Variants in NSFL1C observed in about 807,000 individuals in gnomAD.
The protein encoded by NSFL1C is NSFL1 cofactor p47.
In NSFL1C, 14 loss-of-function variants were observed where a neutral mutation model predicts 43.1. The ratio of observed to expected loss-of-function variants is 0.32; its 90% CI spans 0.21 to 0.51. The LOEUF (loss-of-function observed/expected upper bound fraction) is 0.51. NSFL1C is among the 20% of genes least tolerant of loss of function. NSFL1C has a pLI of 0.98. For synonymous variants in NSFL1C, 171 were observed against 183.5 expected (o/e 0.93, Z 0.55); for missense variants, 406 against 472.5 (o/e 0.86, Z 1.30).
intron 7 of NSFL1C, among the ~76,000 whole-genome samples, chr20:1,447,823 G>A (rs1280404148): frequency 6.6e-6 from 1 of 152,054 alleles, no homozygotes; most frequent in East Asian, 1.9e-4. Context: ...TGCAGGTATT[G>A]TCTAAAGGGG....
intron 2 of NSFL1C, chr20:1,463,546 AC>A (rs1357703599): frequency 6.6e-6 from 1 of 152,244 alleles, no homozygotes; most frequent in Non-Finnish European, 1.5e-5. Flanking sequence ...TTAGAGAGAA[AC>A]ATAATTTACC....
chr20:1,464,546 G>T, intron 1 of NSFL1C, 120 bp from the exon 2 acceptor site: 1 of 737,062 alleles, frequency 1.4e-6, no homozygotes, highest in Non-Finnish European at 2.3e-6. Context: ...GCATCCATGG[G>T]CCAAAGAAAA....
At chr20:1,444,042 C>T (rs1390425417) in intron 8 of NSFL1C, 131 bp from the exon 9 acceptor site, 2 of 939,970 alleles carry the variant, frequency 2.1e-6, no homozygotes, top group African/African-American at 1.6e-5. Context: ...TACGCTCAGG[C>T]ATGTGGGACC....
At chr20:1,464,614 C>T (rs915619036) in intron 1 of NSFL1C, among the ~76,000 whole-genome samples, 188 bp from the exon 2 acceptor site, 4 of 152,216 alleles carry the variant, frequency 2.6e-5, no homozygotes, top group African/African-American at 9.7e-5. Context: ...AAACAAATTC[C>T]ACCCACTAAG....
intron 3 of NSFL1C, chr20:1,456,033 CCTCCTTATTA>C: frequency 2.5e-6 from 1 of 400,934 alleles, no homozygotes; most frequent in South Asian, 2.8e-5. Context: ...TGGCCCACTG[CCTCCTTATTA>C]CTCCTATTCA....
At chr20:1,453,006 C>T in intron 6 of NSFL1C, 25 bp downstream of exon 6, 1 of 1,271,870 alleles carries the variant, frequency 7.9e-7, no homozygotes, top group Non-Finnish European at 1.2e-6. Flanking sequence ...TGATTTGGGA[C>T]CTACAGGAGG....
chr20:1,458,038 G>A, intron 3 of NSFL1C, 162 bp downstream of exon 3: 1 of 591,082 alleles, frequency 1.7e-6, no homozygotes, highest in Non-Finnish European at 3.1e-6. Context: ...TAAGCTACAA[G>A]GAGTAGAAGA....
chr20:1,452,400 A>C, intron 7 of NSFL1C, 93 bp downstream of exon 7: 4 of 1,476,888 alleles, frequency 2.7e-6, no homozygotes, highest in Non-Finnish European at 2.8e-6. Context: ...TAAACAGTAA[A>C]GAGCTAATAA....
chr20:1,448,588 C>T (rs1274245547), intron 7 of NSFL1C, among the ~76,000 whole-genome samples: 1 of 152,190 alleles, frequency 6.6e-6, no homozygotes, highest in Non-Finnish European at 1.5e-5. Context: ...CTCTTACACA[C>T]TCCCTAAAAA....
intron 2 of NSFL1C, among the ~76,000 whole-genome samples, chr20:1,460,304 T>G (rs2090384945): frequency 6.6e-6 from 1 of 152,148 alleles, no homozygotes; most frequent in African/African-American, 2.4e-5. Context: ...CTGTCAGAAA[T>G]GCAAATCCCC....
At chr20:1,455,280 G>A (rs2090274361) in intron 3 of NSFL1C, 148 bp from the exon 4 acceptor site, 3 of 898,126 alleles carry the variant, frequency 3.3e-6, no homozygotes, top group African/African-American at 1.6e-5. Context: ...ATGGAAGGAG[G>A]CAAGCAGGTA....
rs1221388361 is a variant in NSFL1C at position 1,443,056 on chromosome 20, T to C, written c.*693A>G. On this transcript the variant is annotated 3_prime_UTR_variant, in exon 9 of 9. Transcript: ENST00000216879. ...GAGAATCCCCAGGAGGCGAGCAGTC[T>C]GGATGGTAATGGAGGAAAGGGCCAG... 1 of 152,230 alleles carries C rather than the reference T, an allele frequency of 6.6e-6. No individual in the cohort carries two copies. 9.4% of individuals were successfully genotyped at this position (152,230 alleles called of 1,614,324 possible).
At chr20:1,462,274 C>T (rs1261557592) in intron 2 of NSFL1C, among the ~76,000 whole-genome samples, 1 of 152,170 alleles carries the variant, frequency 6.6e-6, no homozygotes, top group African/African-American at 2.4e-5. Flanking sequence ...GAGGTGCTAG[C>T]ACAAGTTTGG....
At chr20:1,466,646 G>A in intron 1 of NSFL1C, 74 bp downstream of exon 1, 2 of 1,395,422 alleles carry the variant, frequency 1.4e-6, no homozygotes, top group Non-Finnish European at 1.9e-6. Flanking sequence ...TTCGGCCGCC[G>A]CGGGCTTAAG....
chr20:1,448,251 A>T (rs2090109019), intron 7 of NSFL1C, among the ~76,000 whole-genome samples: 1 of 152,250 alleles, frequency 6.6e-6, no homozygotes, highest in South Asian at 2.1e-4. Context: ...GTGATGCCAG[A>T]GAAATGGCAC....
intron 3 of NSFL1C, chr20:1,455,932 C>A: frequency 3.3e-6 from 2 of 605,890 alleles, no homozygotes; most frequent in East Asian, 2.8e-5. Context: ...CCAAGACACC[C>A]ACACTGGGCT....
At chr20:1,446,425 A>G (rs1196062077) in intron 7 of NSFL1C, among the ~76,000 whole-genome samples, 1 of 152,164 alleles carries the variant, frequency 6.6e-6, no homozygotes, top group Non-Finnish European at 1.5e-5. Context: ...TCTAAAGGGC[A>G]CTGAAAAGCC....
At chr20:1,453,809 C>G (rs898426908) in intron 5 of NSFL1C, among the ~76,000 whole-genome samples, 2 of 151,422 alleles carry the variant, frequency 1.3e-5, no homozygotes, top group Admixed American at 6.6e-5. Flanking sequence ...ATGCACAGGG[C>G]TAAAAAGTAG....
chr20:1,463,165 G>A (rs902697146), intron 2 of NSFL1C, among the ~76,000 whole-genome samples: 2 of 152,174 alleles, frequency 1.3e-5, no homozygotes, highest in African/African-American at 4.8e-5. Flanking sequence ...GGGATTACTG[G>A]AGAAAAGAAA....
Sources: gnomAD v4.1 joint callset for allele counts (sites outside exome capture counted in the v4.1 genomes callset) on GRCh38, gnomAD v4.1.1 for gene constraint, MANE v1.5 for transcripts, NCBI Gene and HGNC (gene_info 2026-07-23, HGNC 2026-07-21) for gene names.